SGK2: variants seen among roughly 807,000 people sequenced by gnomAD.
The protein encoded by SGK2 is serum/glucocorticoid regulated kinase 2.
Under a neutral mutation model 47.5 loss-of-function variants are expected in SGK2, and 36 were observed. The observed-to-expected ratio is 0.76, with a 90% CI of 0.58 to 1.00. The LOEUF (loss-of-function observed/expected upper bound fraction) is 1.00, where lower values mean the gene tolerates loss of function less well. Ranked by LOEUF, SGK2 falls within the 50% of genes least tolerant of loss-of-function variation. The pLI, the probability that SGK2 is intolerant of heterozygous loss-of-function variation, is 0.00. For missense variants in SGK2, 404 were observed against 467.4 expected (o/e 0.86, Z 1.25); for synonymous variants, 157 against 181.9 (o/e 0.86, Z 1.10).
At chr20:43,559,689 G>T (rs1357614567) in intron 1 of SGK2, among the ~76,000 whole-genome samples, 3 of 152,192 alleles carry the variant, frequency 2.0e-5, no homozygotes, top group Non-Finnish European at 4.4e-5. Context: ...AGCAGGAGAG[G>T]GTGCATGGGA....
At chr20:43,582,709 TAG>T (rs976215105) in intron 12 of SGK2, among the ~76,000 whole-genome samples, 2 of 150,930 alleles carry the variant, frequency 1.3e-5, no homozygotes, top group East Asian at 2.0e-4. Flanking sequence ...ATTTTTGAGA[TAG>T]AGTCTTGCTC....
At chr20:43,575,056 T>C (rs1241230389) in intron 10 of SGK2, 52 bp downstream of exon 10, 2 of 1,236,112 alleles carry the variant, frequency 1.6e-6, no homozygotes, top group Non-Finnish European at 1.2e-6. Context: ...GATGGGTCTG[T>C]CTCTCATGTG....
chr20:43,567,710 G>A lies in SGK2; in HGVS notation c.132G>A (p.Gly44=), dbSNP rs943590059. 3.1e-6 allele frequency: 5 copies of A among 1,614,018 alleles called. No individual in the cohort carries two copies. The African/African-American group carries it at 4.0e-5, about 13-fold the overall frequency. ...ACTTCCTCAAAGTCATCGGCAAAGG[G>A]AACTACGGGAAGGTGAGTGACTTGG... ...DFDFLKVIGK[G]NYGKVLLAKR... The change falls in exon 4 of 13, where the codon GGG becomes GGA. Residue 44 remains glycine (G), a synonymous_variant. Transcript: ENST00000373100.
chr20:43,578,600 C>T (rs1051238367), intron 11 of SGK2, among the ~76,000 whole-genome samples: 3 of 152,170 alleles, frequency 2.0e-5, no homozygotes, highest in African/African-American at 4.8e-5. Context: ...TTCTGTGAGC[C>T]GCAGTTTCCC....
intron 5 of SGK2, among the ~76,000 whole-genome samples, chr20:43,569,103 C>T (rs1411216525): frequency 4.6e-5 from 7 of 152,186 alleles, no homozygotes; most frequent in Admixed American, 4.6e-4. Flanking sequence ...ATCACACATG[C>T]TTTGCTTTTC....
chr20:43,566,201 A>C, intron 1 of SGK2: 1 of 791,618 alleles, frequency 1.3e-6, no homozygotes, highest in Admixed American at 2.4e-5. Flanking sequence ...GGGTGTCCCC[A>C]GTTCTTGAAA....
chr20:43,574,890 G>T lies in SGK2; in HGVS notation c.598-19G>T. The T allele has an allele frequency of 6.3e-7, 1 of 1,598,808 alleles. No homozygotes were observed. Among genetic ancestry groups the T allele is most frequent in the Non-Finnish European group, 8.6e-7 (1 of 1,166,606 alleles). ...AGGCTTAACGACTTATTTCAAATAA[G>T]TGTGTTTCCTTCTAACAGTACTTGG... On this transcript the variant is annotated intron_variant, in intron 9 of 12. Coordinates refer to ENST00000373100, the MANE Select transcript of SGK2 (RefSeq NM_170693.3).
intron 1 of SGK2, among the ~76,000 whole-genome samples, chr20:43,562,672 G>A (rs994655821): frequency 3.3e-5 from 5 of 152,080 alleles, no homozygotes; most frequent in Non-Finnish European, 4.4e-5. Context: ...ACCAGAAAGC[G>A]GAGCTTGCAG....
intron 1 of SGK2, among the ~76,000 whole-genome samples, chr20:43,564,202 A>C (rs1459230126): frequency 1.3e-5 from 2 of 152,264 alleles, no homozygotes; most frequent in African/African-American, 2.4e-5. Context: ...CTTACGCAGC[A>C]GGAGAGTCGT....
At position 43,572,741 on chromosome 20, in the gene SGK2, C is replaced by T. The variant is rs1980219202; in HGVS notation, c.597+604C>T. ...ACACTTTAAAAACTTCCAGCAGCCA[C>T]ATTTAAAAAGTAAGAAAGTAACAGG... On this transcript the variant is annotated intron_variant, in intron 9 of 12. Coordinates refer to ENST00000373100, the MANE Select transcript of SGK2 (RefSeq NM_170693.3). This position sits in a 1 kb window ranked among gnomAD's most constrained non-coding sequence, Gnocchi z 4.2. 6.6e-6 allele frequency among the ~76,000 whole-genome samples: 1 copy of T among 152,074 alleles called. No homozygotes were observed. Among genetic ancestry groups the T allele is most frequent in the Admixed American group, 6.6e-5 (1 of 15,262 alleles).
chr20:43,570,947 A>T lies in SGK2; in HGVS notation c.474-77A>T, dbSNP rs199635417. The T allele has an allele frequency of 7.4e-5, 119 of 1,605,968 alleles. 1 individual carries two copies. Among genetic ancestry groups the T allele is most frequent in the South Asian group, 3.3e-4 (30 of 90,576 alleles). The stretch of plus-strand genomic sequence containing the variant: ...CATGAATAGTTCTCCTGCCAGGACC[A>T]CCCCCCGCCCAGGTCTCCAACTCTC... On this transcript the variant is annotated intron_variant, in intron 7 of 12. Transcript: ENST00000373100.
intron 1 of SGK2, among the ~76,000 whole-genome samples, chr20:43,561,854 TC>T (rs1979405619): frequency 6.6e-6 from 1 of 152,146 alleles, no homozygotes; most frequent in South Asian, 2.1e-4. Flanking sequence ...ATTGCAATAA[TC>T]CATTCAAGTG....
chr20:43,564,410 G>T (rs1042320835), intron 1 of SGK2, among the ~76,000 whole-genome samples: 8 of 152,146 alleles, frequency 5.3e-5, no homozygotes, highest in African/African-American at 1.9e-4. Flanking sequence ...CTGATGTCTG[G>T]GGACTTTTTC....
chr20:43,574,597 C>T (rs916410), intron 9 of SGK2, among the ~76,000 whole-genome samples: 109,803 of 152,190 alleles, frequency 0.72, 39,856 homozygotes, highest in South Asian at 0.77. Context: ...ACTAGTGTTG[C>T]GGCTTGGTGA....
intron 12 of SGK2, among the ~76,000 whole-genome samples, chr20:43,583,901 A>G (rs745318327): frequency 2.0e-5 from 3 of 152,182 alleles, no homozygotes; most frequent in Non-Finnish European, 4.4e-5. Context: ...TGTCGAAGCT[A>G]TAGTGAGCTG....
Position 43,576,330 on chromosome 20 carries a change from G to A in SGK2, c.800G>A (p.Ser267Asn). The A allele has an allele frequency of 2.5e-6, 4 of 1,614,244 alleles. No individual in the cohort carries two copies. Among genetic ancestry groups the A allele is most frequent in the Non-Finnish European group, 3.4e-6 (4 of 1,180,048 alleles). Residue 267 changes from serine (S) to asparagine (N), a missense_variant, in exon 11 of 13, where the codon AGC (serine) becomes AAC (asparagine). Ser to Asn is a conservative substitution (Grantham distance 46, BLOSUM62 1). Coordinates refer to ENST00000373100, the MANE Select transcript of SGK2 (RefSeq NM_170693.3). ...GTGGCCGCCTGTGACCTCCTGCAAA[G>A]CCTTCTCCACAAGGACCAGAGGCAG... ...RTVAACDLLQ[S>N]LLHKDQRQRL...
chr20:43,571,300 G>A (rs1007579106), intron 8 of SGK2, among the ~76,000 whole-genome samples: 4 of 152,218 alleles, frequency 2.6e-5, no homozygotes, highest in African/African-American at 9.6e-5. Context: ...CAGGGGTGGA[G>A]CCAGGTGGAG....
At chr20:43,568,720 C>T (rs1393070423) in intron 5 of SGK2, among the ~76,000 whole-genome samples, 1 of 152,174 alleles carries the variant, frequency 6.6e-6, no homozygotes, top group Admixed American at 6.5e-5. Context: ...ATCCGCTGGC[C>T]TCAGCCTCCC....
intron 11 of SGK2, among the ~76,000 whole-genome samples, chr20:43,577,648 C>CTT (rs746290613): frequency 0.032 from 4,256 of 131,504 alleles, 88 homozygotes; most frequent in Middle Eastern, 0.13. Context: ...CATGCTTGGC[C>CTT]TTTTTTTTTT....
Sources: allele counts gnomAD v4.1 joint callset (sites outside exome capture counted in the v4.1 genomes callset), GRCh38; gene constraint gnomAD v4.1.1; non-coding constraint Gnocchi (gnomAD v3.1); transcripts MANE v1.5; gene names NCBI Gene and HGNC (gene_info 2026-07-23, HGNC 2026-07-21).